The following PSMD13 variants were observed in gnomAD, a reference collection of about 807,000 sequenced individuals.
PSMD13 encodes 26S proteasome non-ATPase regulatory subunit 13.
Under a neutral mutation model 57.4 loss-of-function variants are expected in PSMD13, and 8 were observed. That is an observed-to-expected ratio of 0.14 (90% CI 0.08 to 0.25). The LOEUF is 0.25. Ranked by LOEUF, PSMD13 falls within the 10% of genes least tolerant of loss-of-function variation. The pLI is 1.00. For missense variants in PSMD13, 400 were observed against 461.5 expected, an observed-to-expected ratio of 0.87 and a Z score of 1.22; for synonymous variants, 193 against 168.2, an observed-to-expected ratio of 1.15 and a Z score of -1.14.
chr11:241,212 C>G (rs1447045354), intron 2 of PSMD13, among the ~76,000 whole-genome samples: 11 of 152,168 alleles, frequency 7.2e-5, no homozygotes, highest in African/African-American at 2.7e-4. Flanking sequence ...GATCTCAGCT[C>G]GCTGCAACCT....
intron 2 of PSMD13, among the ~76,000 whole-genome samples, chr11:240,676 T>G (rs1312071588): frequency 6.6e-6 from 1 of 152,214 alleles, no homozygotes; most frequent in Non-Finnish European, 1.5e-5. Context: ...GAATTTATAG[T>G]CACCAGAAGT....
chr11:237,486 T>C (rs1015666781), intron 1 of PSMD13, among the ~76,000 whole-genome samples: 2 of 152,188 alleles, frequency 1.3e-5, no homozygotes, highest in Non-Finnish European at 2.9e-5. Context: ...TGATTTTAGC[T>C]CTTGATTCCA....
At chr11:246,679 A>T (rs1859655197) in intron 6 of PSMD13, among the ~76,000 whole-genome samples, 1 of 152,174 alleles carries the variant, frequency 6.6e-6, no homozygotes, top group African/African-American at 2.4e-5. Context: ...TCAGCACCAT[A>T]TGAGTACTCT....
Position 243,986 on chromosome 11 carries a change from C to T in PSMD13, c.175-55C>T, listed in dbSNP as rs1859578588. 6 of 1,539,192 alleles carry T rather than the reference C, an allele frequency of 3.9e-6. No homozygotes were observed. In the South Asian group the frequency reaches 4.6e-5, roughly 12 times the overall value. On this transcript the variant is annotated intron_variant, in intron 2 of 12. Transcript: ENST00000532097. ...TACCAAAGATAGTGTTTGGGGTCTT[C>T]GTTTTGCAGAATAAAAGACATCCTA... is the stretch of plus-strand genomic sequence containing the variant.
rs1859798023 is a variant in PSMD13, at chr11:252,901, T to G, written c.*301T>G. The G allele has an allele frequency of 6.3e-6, 2 of 316,220 alleles. No individual in the cohort carries two copies. The highest frequency in any genetic ancestry group is 5.4e-5 in the East Asian group (1 of 18,460). 19.6% of individuals were successfully genotyped at this position (316,220 alleles called of 1,614,324 possible). On this transcript the variant is annotated 3_prime_UTR_variant, in exon 13 of 13. Coordinates refer to ENST00000532097, the MANE Select transcript of PSMD13 (RefSeq NM_002817.4). This position sits in a 1 kb window ranked among gnomAD's most constrained non-coding sequence, Gnocchi z 4.1. ...TGAAGTCTGTGTACTCCGAGGTGGA[T>G]CTCCATCCCCATCCACCTGTACGGA...
At position 252,871 on chromosome 11, in the gene PSMD13, C is replaced by G. The variant is rs1048230251; in HGVS notation, c.*271C>G. On this transcript the variant is annotated 3_prime_UTR_variant, in exon 13 of 13. Transcript: ENST00000532097. The surrounding 1 kb of genome is among the most constrained non-coding windows in gnomAD (Gnocchi z 4.1). ...GAGAAAGAACGTGCCAGGCAGGAGG[C>G]CCCCTGAAGTCTGTGTACTCCGAGG... 3 of 397,162 alleles carry G rather than the reference C, an allele frequency of 7.6e-6. No homozygotes were observed. Among genetic ancestry groups the G allele is most frequent in the Non-Finnish European group, 1.4e-5 (3 of 211,730 alleles). The allele number at this position is 397,162 out of a possible 1,614,324, so 24.6% of individuals were successfully genotyped here.
chr11:247,352 C>G lies in PSMD13; in HGVS notation c.472C>G (p.Leu158Val). Residue 158 changes from leucine to valine, a missense_variant, in exon 7 of 13, where the codon CTC becomes GTC. Physicochemically the swap from Leu to Val is conservative, Grantham distance 32. Transcript: ENST00000532097. ...VTSVHSRFYD[L>V]SSKYYQTIGN... ...ATCGGTTCACAGTCGTTTCTATGAT[C>G]TCTCCAGTAAATACTATCAAACAAT... 1 of 1,544,742 alleles carries G rather than the reference C, an allele frequency of 6.5e-7. No homozygotes were observed. The highest frequency in any genetic ancestry group is 8.8e-7 in the Non-Finnish European group (1 of 1,135,314).
chr11:240,612 C>T (rs1859493320), intron 2 of PSMD13, among the ~76,000 whole-genome samples: 1 of 152,008 alleles, frequency 6.6e-6, no homozygotes, highest in South Asian at 2.1e-4. Context: ...CAGAATAAAC[C>T]TTTAAAATTT....
chr11:247,162 C>G (rs891949085), intron 6 of PSMD13, 115 bp from the exon 7 acceptor site: 4 of 992,488 alleles, frequency 4.0e-6, no homozygotes, highest in Non-Finnish European at 5.7e-6. Context: ...GTGGGAGGAT[C>G]ACTTGAGGCC....
chr11:251,940 A>T lies in PSMD13; in HGVS notation c.1035+4A>T, dbSNP rs1276702686. ...CCGAGTGTTGGATTTGCAACAGGTG[A>T]TGTGTTTGAAACCCATTATTCACCT... On this transcript the variant is annotated splice_donor_region_variant and intron_variant, in intron 12 of 12. Coordinates refer to ENST00000532097, the MANE Select transcript of PSMD13 (RefSeq NM_002817.4). The surrounding 1 kb of genome is among the most constrained non-coding windows in gnomAD (Gnocchi z 4.6). 1.9e-6 allele frequency: 3 copies of T among 1,611,278 alleles called. No individual in the cohort carries two copies. In the African/African-American group the frequency reaches 4.0e-5, roughly 22 times the overall value.
intron 7 of PSMD13, among the ~76,000 whole-genome samples, chr11:248,411 G>A (rs1332385724): frequency 6.6e-6 from 1 of 152,172 alleles, no homozygotes; most frequent in Admixed American, 6.5e-5. Flanking sequence ...TGCTGTCTAG[G>A]AACAGAAAGT....
At chr11:248,681 A>T (rs1436058114) in intron 7 of PSMD13, 95 bp from the exon 8 acceptor site, 10 of 1,206,942 alleles carry the variant, frequency 8.3e-6, no homozygotes, top group Non-Finnish European at 1.2e-5. Context: ...CATTACAAAC[A>T]ATGTTTTTTT....
intron 2 of PSMD13, chr11:243,126 C>A: frequency 1.7e-6 from 1 of 602,114 alleles, no homozygotes; most frequent in South Asian, 1.5e-5. Context: ...TTTTTTACTT[C>A]CCTCTCCTTG....
At position 252,512 on chromosome 11, in the gene PSMD13, G is replaced by A; in HGVS notation, c.1043G>A (p.Gly348Glu). 6.2e-7 allele frequency: 1 copy of A among 1,614,078 alleles called. No homozygotes were observed. The highest frequency in any genetic ancestry group is 1.1e-5 in the South Asian group (1 of 91,084). Residue 348 changes from glycine (G) to glutamate (E), a missense_variant, in exon 13 of 13, where the codon GGA (glycine) becomes GAA (glutamate). Gly to Glu is a moderately conservative substitution (Grantham distance 98). Coordinates refer to ENST00000532097, the MANE Select transcript of PSMD13 (RefSeq NM_002817.4). This position sits in a 1 kb window ranked among gnomAD's most constrained non-coding sequence, Gnocchi z 4.1. The part of the protein sequence containing the change: ...PRVLDLQQIK[G>E]MKDRLEFWCT... ...TCCGGATTTCCATTTCAGATCAAGG[G>A]AATGAAGGACCGCCTGGAGTTCTGG...
intron 5 of PSMD13, 57 bp from the exon 6 acceptor site, chr11:244,617 CT>C: frequency 6.4e-7 from 1 of 1,552,588 alleles, no homozygotes; most frequent in Non-Finnish European, 8.9e-7. Flanking sequence ...AGCTAGCTTC[CT>C]TTGTTAGTCA....
In PSMD13 at chr11:247,273, A is replaced by G. The variant is rs762803065; in HGVS notation, c.397-4A>G. Reference sequence around the variant, plus strand: ...AGAGAGATGATTTTCCTTCCTGTGTATAGGAAACAATTGAAGATGTTGAAG... The same window carrying G: ...AGAGAGATGATTTTCCTTCCTGTGTGTAGGAAACAATTGAAGATGTTGAAG... On this transcript the variant is annotated splice_region_variant and splice_polypyrimidine_tract_variant and intron_variant, in intron 6 of 12. Coordinates refer to ENST00000532097, the MANE Select transcript of PSMD13 (RefSeq NM_002817.4). The G allele has an allele frequency of 1.9e-6, 3 of 1,608,724 alleles. No homozygotes were observed. Among genetic ancestry groups the G allele is most frequent in the Non-Finnish European group, 2.5e-6 (3 of 1,178,154 alleles).
intron 7 of PSMD13, chr11:248,574 C>A: frequency 1.7e-6 from 1 of 571,534 alleles, no homozygotes; most frequent in Non-Finnish European, 3.1e-6. Flanking sequence ...ATGAATGCTC[C>A]TCCCAAAAAA....
intron 1 of PSMD13, among the ~76,000 whole-genome samples, chr11:238,762 G>A (rs1859452638): frequency 2.0e-5 from 3 of 152,196 alleles, no homozygotes; most frequent in African/African-American, 7.2e-5. Context: ...ATACTTACCC[G>A]TTCAGTATCC....
At chr11:245,578 A>G (rs1859620642) in intron 6 of PSMD13, among the ~76,000 whole-genome samples, 1 of 151,648 alleles carries the variant, frequency 6.6e-6, no homozygotes, top group South Asian at 2.1e-4. Flanking sequence ...CAGTTGGGAG[A>G]CAGGTATGGA....
Sources: allele counts gnomAD v4.1 joint callset (sites outside exome capture counted in the v4.1 genomes callset), GRCh38; gene constraint gnomAD v4.1.1; non-coding constraint Gnocchi (gnomAD v3.1); transcripts MANE v1.5; gene names NCBI Gene and HGNC (gene_info 2026-07-23, HGNC 2026-07-21).